The following RPAP2 variants were observed in gnomAD, a reference collection of about 807,000 sequenced individuals.
RPAP2 encodes RNA polymerase II associated protein 2.
Under a neutral mutation model 73.1 loss-of-function variants are expected in RPAP2, and 52 were observed. The observed-to-expected ratio is 0.71, with a 90% CI of 0.57 to 0.90. The LOEUF is 0.90. Ranked by LOEUF, RPAP2 falls within the 40% of genes least tolerant of loss-of-function variation. The probability of loss-of-function intolerance (pLI) is 0.00; values close to 1 mark genes in which losing one functional copy is unlikely to be tolerated. For synonymous variants in RPAP2, 225 were observed against 242.1 expected (o/e 0.93, Z 0.65); for missense variants, 598 against 701.8 (o/e 0.85, Z 1.67).
intron 10 of RPAP2, among the ~76,000 whole-genome samples, chr1:92,337,444 A>G (rs1394121704): frequency 6.6e-6 from 1 of 152,180 alleles, no homozygotes; most frequent in Non-Finnish European, 1.5e-5. Context: ...TTTACTAGAA[A>G]GAGCTTTGTA....
chr1:92,344,320 G>A (rs1242189705), intron 10 of RPAP2, among the ~76,000 whole-genome samples: 1 of 152,106 alleles, frequency 6.6e-6, no homozygotes, highest in African/African-American at 2.4e-5. Context: ...CAGAAGAATT[G>A]CTTGAACTCG....
intron 11 of RPAP2, among the ~76,000 whole-genome samples, chr1:92,376,725 GA>G (rs1198635446): frequency 1.3e-5 from 2 of 152,148 alleles, no homozygotes; most frequent in East Asian, 3.8e-4. Flanking sequence ...TTCATTGAGG[GA>G]TCAGTACGTA....
intron 2 of RPAP2, among the ~76,000 whole-genome samples, chr1:92,301,140 T>C (rs1031336338): frequency 6.6e-6 from 1 of 152,160 alleles, no homozygotes; most frequent in African/African-American, 2.4e-5. Context: ...GTGCAAAAAG[T>C]AGCTTGTTTC....
At chr1:92,345,739 A>G (rs1653855021) in intron 10 of RPAP2, 107 bp from the exon 11 acceptor site, 4 of 669,088 alleles carry the variant, frequency 6.0e-6, no homozygotes, top group Non-Finnish European at 1.0e-5. Context: ...GTATTTTAAA[A>G]AAAAGTGCTT....
chr1:92,322,143 A>G (rs1484341457), intron 7 of RPAP2, among the ~76,000 whole-genome samples: 1 of 151,240 alleles, frequency 6.6e-6, no homozygotes, highest in Non-Finnish European at 1.5e-5. Context: ...ACAGGGTTTC[A>G]CTATGTTGGC....
chr1:92,341,358 T>C (rs1403182851), intron 10 of RPAP2, among the ~76,000 whole-genome samples: 1 of 152,132 alleles, frequency 6.6e-6, no homozygotes, highest in Non-Finnish European at 1.5e-5. Context: ...CTGTTTCCCT[T>C]TTGAATTGTC....
At chr1:92,347,508 G>A (rs1571103815) in intron 11 of RPAP2, among the ~76,000 whole-genome samples, 1 of 152,286 alleles carries the variant, frequency 6.6e-6, no homozygotes, top group South Asian at 2.1e-4. Flanking sequence ...GCCACTTACT[G>A]AAAGTATTAT....
chr1:92,301,835 A>G (rs1650878062), intron 3 of RPAP2, among the ~76,000 whole-genome samples: 2 of 152,250 alleles, frequency 1.3e-5, no homozygotes, highest in South Asian at 2.1e-4. Context: ...GTATATTTCA[A>G]AATTAATAAG....
chr1:92,342,416 T>C (rs567593572), intron 10 of RPAP2, among the ~76,000 whole-genome samples: 2 of 152,048 alleles, frequency 1.3e-5, no homozygotes, highest in Non-Finnish European at 2.9e-5. Flanking sequence ...CAGAGAAGTA[T>C]GGGATTGGGG....
chr1:92,328,940 C>T (rs552286034), intron 8 of RPAP2, among the ~76,000 whole-genome samples: 2 of 152,324 alleles, frequency 1.3e-5, no homozygotes, highest in South Asian at 2.1e-4. Flanking sequence ...CCCAGCAGAG[C>T]TACCAGGCTT....
At position 92,395,635 on chromosome 1, in the gene RPAP2, CAAAA is replaced by C. The variant is rs3041650; in HGVS notation, c.*8644_*8647del. On this transcript the variant is annotated 3_prime_UTR_variant, in exon 13 of 13. Transcript: ENST00000610020. ...TGGGTGACAGAGTGAGACCCTGTCT[CAAAA>C]AAAAAAAAAAAAAAAAAAATTAATT... 3,933 of 96,186 alleles carry C rather than the reference CAAAA, an allele frequency of 0.041. 115 individuals carry two copies. The highest frequency in any genetic ancestry group is 0.12 in the African/African-American group (3,112 of 25,152). 6.0% of individuals were successfully genotyped at this position (96,186 alleles called of 1,614,324 possible).
chr1:92,354,156 T>TA (rs1654347081), intron 11 of RPAP2, among the ~76,000 whole-genome samples: 1 of 152,142 alleles, frequency 6.6e-6, no homozygotes, highest in South Asian at 2.1e-4. Flanking sequence ...AGCCAGTCCC[T>TA]AGATCTGCTA....
chr1:92,331,545 A>C (rs1221911192), intron 8 of RPAP2, among the ~76,000 whole-genome samples: 1 of 152,148 alleles, frequency 6.6e-6, no homozygotes, highest in African/African-American at 2.4e-5. Flanking sequence ...TCTTTGTCTT[A>C]TTAAAGTCTA....
At chr1:92,336,530 G>A (rs1653289115) in intron 10 of RPAP2, 103 bp downstream of exon 10, 2 of 741,214 alleles carry the variant, frequency 2.7e-6, no homozygotes. Flanking sequence ...ACCTTTCAAT[G>A]TCACAGATCT....
chr1:92,339,332 G>GCC (rs57222992), intron 10 of RPAP2, among the ~76,000 whole-genome samples: 1 of 37,626 alleles, frequency 2.7e-5, no homozygotes, highest in African/African-American at 7.2e-5. Context: ...CCCCACAACC[G>GCC]CCCCCCAATC....
chr1:92,368,983 T>C (rs1356254422), intron 11 of RPAP2, among the ~76,000 whole-genome samples: 1 of 152,242 alleles, frequency 6.6e-6, no homozygotes, highest in African/African-American at 2.4e-5. Context: ...ATTTGTGATT[T>C]ATACATTGTA....
chr1:92,311,776 GT>G (rs2101130893), intron 6 of RPAP2, among the ~76,000 whole-genome samples: 1 of 152,276 alleles, frequency 6.6e-6, no homozygotes, highest in East Asian at 1.9e-4. Flanking sequence ...CAAAAGTTAT[GT>G]TTCCACTATA....
chr1:92,377,154 G>A (rs1379827915), intron 11 of RPAP2, among the ~76,000 whole-genome samples: 4 of 152,088 alleles, frequency 2.6e-5, no homozygotes, highest in African/African-American at 9.7e-5. Flanking sequence ...CCATTTTATA[G>A]ATAGACCCTA....
intron 6 of RPAP2, among the ~76,000 whole-genome samples, chr1:92,320,015 A>C (rs1253041951): frequency 6.6e-6 from 1 of 152,116 alleles, no homozygotes; most frequent in Non-Finnish European, 1.5e-5. Flanking sequence ...AAAAAAAAGA[A>C]AAAGAAAAAG....
Sources: allele counts gnomAD v4.1 joint callset (sites outside exome capture counted in the v4.1 genomes callset), GRCh38; gene constraint gnomAD v4.1.1; transcripts MANE v1.5; gene names NCBI Gene and HGNC (gene_info 2026-07-23, HGNC 2026-07-21).